The following SUSD1 variants were observed in gnomAD, a reference collection of about 807,000 sequenced individuals.
SUSD1 encodes the protein sushi domain-containing protein 1.
In SUSD1, 65 loss-of-function variants were observed where a neutral mutation model predicts 86.9. That is an observed-to-expected ratio of 0.75 (90% CI 0.61 to 0.92). The LOEUF is 0.92. SUSD1 is among the 40% of genes least tolerant of loss of function. The pLI is 0.00. For synonymous variants in SUSD1, 346 were observed against 350.0 expected, an observed-to-expected ratio of 0.99 and a Z score of 0.13; for missense variants, 850 against 929.7, an observed-to-expected ratio of 0.91 and a Z score of 1.11.
intron 15 of SUSD1, among the ~76,000 whole-genome samples, chr9:112,050,379 G>A (rs943043440): frequency 2.6e-5 from 4 of 152,154 alleles, no homozygotes; most frequent in Non-Finnish European, 5.9e-5. Flanking sequence ...GTTGCAGTTG[G>A]TTTGAGCAGA....
intron 6 of SUSD1, among the ~76,000 whole-genome samples, chr9:112,117,734 C>G (rs190047330): frequency 6.6e-6 from 1 of 152,134 alleles, no homozygotes; most frequent in East Asian, 1.9e-4. Flanking sequence ...ATCCTCAGGC[C>G]CTAGCACAGT....
intron 6 of SUSD1, among the ~76,000 whole-genome samples, chr9:112,119,396 G>A (rs917349813): frequency 1.8e-4 from 28 of 152,176 alleles, no homozygotes; most frequent in African/African-American, 6.5e-4. Flanking sequence ...AGCACCCAGT[G>A]GGCTGGAGAA....
chr9:112,149,989 TC>T (rs1832975574), intron 2 of SUSD1, among the ~76,000 whole-genome samples: 1 of 152,122 alleles, frequency 6.6e-6, no homozygotes, highest in South Asian at 2.1e-4. Context: ...GCTCGATGAG[TC>T]CCCAGAAGCT....
chr9:112,061,415 TCTC>T lies in SUSD1; in HGVS notation c.1850+1519_1850+1521del, dbSNP rs1828718992. On this transcript the variant is annotated intron_variant, in intron 13 of 16. Coordinates refer to ENST00000374270, the MANE Select transcript of SUSD1 (RefSeq NM_022486.5). ...AATATGACTGTTCTGGAAGGACTTT[TCTC>T]CTCTTTTTCACCACCACACTCCCTC... Among the ~76,000 whole-genome samples the T allele has an allele frequency of 2.0e-5, 3 of 152,186 alleles. No individual in the cohort carries two copies. The South Asian group carries it at 6.2e-4, about 32-fold the overall frequency.
intron 8 of SUSD1, among the ~76,000 whole-genome samples, chr9:112,107,531 T>A (rs574856532): frequency 6.6e-6 from 1 of 152,188 alleles, no homozygotes; most frequent in South Asian, 2.1e-4. Context: ...GGATAACTTA[T>A]CTAATCAAAA....
intron 8 of SUSD1, among the ~76,000 whole-genome samples, chr9:112,104,122 C>A (rs889737534): frequency 1.3e-5 from 2 of 151,954 alleles, no homozygotes; most frequent in Non-Finnish European, 2.9e-5. Flanking sequence ...CTCAAGCAAT[C>A]CTCCCACCTC....
At position 112,078,604 on chromosome 9, in the gene SUSD1, T is replaced by C; in HGVS notation, c.1687A>G (p.Asn563Asp). ...CLDLRPGTNY[N>D]VSLRALSSEL... is the part of the protein sequence containing the mutation. ...GAAGACAGAGCCCGGAGACTGACAT[T>C]GTAGTTGGTACCCGGACGTAGGTCC... The change falls in exon 12 of 17, where the codon AAT (asparagine) becomes GAT (aspartate). Residue 563 changes from asparagine (N) to aspartate (D), a missense_variant. Physicochemically the swap from Asn to Asp is conservative, Grantham distance 23. Coordinates refer to ENST00000374270, the MANE Select transcript of SUSD1 (RefSeq NM_022486.5). The C allele has an allele frequency of 6.2e-7, 1 of 1,614,018 alleles. No homozygotes were observed. The highest frequency in any genetic ancestry group is 1.1e-5 in the South Asian group (1 of 91,076).
chr9:112,071,455 G>C (rs1294866074), intron 12 of SUSD1, among the ~76,000 whole-genome samples: 1 of 148,658 alleles, frequency 6.7e-6, no homozygotes, highest in African/African-American at 2.5e-5. Context: ...ATGAAACTCA[G>C]TCTCAAAAAA....
At chr9:112,080,584 A>T (rs1416680697) in intron 10 of SUSD1, among the ~76,000 whole-genome samples, 2 of 151,554 alleles carry the variant, frequency 1.3e-5, no homozygotes, top group Non-Finnish European at 2.9e-5. Flanking sequence ...GCTACTTGGG[A>T]GGCTGAAGCA....
At chr9:112,106,269 G>C (rs1830836122) in intron 8 of SUSD1, among the ~76,000 whole-genome samples, 1 of 151,596 alleles carries the variant, frequency 6.6e-6, no homozygotes, top group Non-Finnish European at 1.5e-5. Context: ...CACCACACCT[G>C]GCCAGGATTT....
chr9:112,076,945 C>T (rs188867453), intron 12 of SUSD1, among the ~76,000 whole-genome samples: 22 of 152,234 alleles, frequency 1.4e-4, no homozygotes, highest in African/African-American at 5.1e-4. Flanking sequence ...GCAATGAAGA[C>T]GTATGTTTCC....
chr9:112,080,238 T>G (rs1829706902), intron 10 of SUSD1, 73 bp from the exon 11 acceptor site: 1 of 1,097,482 alleles, frequency 9.1e-7, no homozygotes, highest in Admixed American at 1.7e-5. Context: ...TGAGCCATTT[T>G]TCCAAGGATA....
chr9:112,152,584 T>A (rs1833103556), intron 2 of SUSD1, among the ~76,000 whole-genome samples: 1 of 149,244 alleles, frequency 6.7e-6, no homozygotes, highest in Non-Finnish European at 1.5e-5. Flanking sequence ...TTTTTTTTTT[T>A]TTTGTACAGA....
chr9:112,117,484 AAAGT>A (rs767536074), intron 6 of SUSD1, among the ~76,000 whole-genome samples: 9 of 152,250 alleles, frequency 5.9e-5, no homozygotes, highest in Non-Finnish European at 1.3e-4. Context: ...AGTGAGTGAT[AAAGT>A]AAGAGCCTTT....
At chr9:112,112,242 ATGACAAATATGTT>A (rs1831131292) in intron 7 of SUSD1, among the ~76,000 whole-genome samples, 1 of 152,240 alleles carries the variant, frequency 6.6e-6, no homozygotes, top group Non-Finnish European at 1.5e-5. Context: ...ACCCTGCTGA[ATGACAAATATGTT>A]AAACACAAAA....
At chr9:112,080,690 G>GAAA (rs56022766) in intron 10 of SUSD1, among the ~76,000 whole-genome samples, 1,436 of 122,134 alleles carry the variant, frequency 0.012, 40 homozygotes, top group African/African-American at 0.039. Context: ...TCTGTCTCAA[G>GAAA]AAAAAAAAAA....
intron 14 of SUSD1, among the ~76,000 whole-genome samples, chr9:112,054,823 T>C (rs1031778927): frequency 2.6e-5 from 4 of 151,874 alleles, no homozygotes; most frequent in Non-Finnish European, 5.9e-5. Context: ...AAAGAAAAAA[T>C]AGACAGACTG....
intron 2 of SUSD1, among the ~76,000 whole-genome samples, chr9:112,156,627 T>C (rs1346229151): frequency 6.6e-6 from 1 of 151,982 alleles, no homozygotes; most frequent in East Asian, 1.9e-4. Flanking sequence ...CCCAGGCTGG[T>C]CTCAAACTCC....
chr9:112,052,249 T>C (rs1307427358), intron 15 of SUSD1, 150 bp downstream of exon 15: 9 of 1,531,690 alleles, frequency 5.9e-6, no homozygotes, highest in Non-Finnish European at 7.9e-6. Flanking sequence ...CCTCCTCCCA[T>C]TTTTTTTCAG....
Sources: allele counts gnomAD v4.1 joint callset (sites outside exome capture counted in the v4.1 genomes callset), GRCh38; gene constraint gnomAD v4.1.1; transcripts MANE v1.5; gene names NCBI Gene and HGNC (gene_info 2026-07-23, HGNC 2026-07-21).